The following ZNF385D variants were observed in gnomAD, a reference collection of about 807,000 sequenced individuals.
ZNF385D encodes zinc finger protein 385D.
Under a neutral mutation model 35.8 loss-of-function variants are expected in ZNF385D, and 15 were observed. The ratio of observed to expected loss-of-function variants is 0.42; its 90% CI spans 0.28 to 0.64. ZNF385D has a LOEUF of 0.64. Among genes scored for constraint, ZNF385D ranks in the 30% least tolerant of loss-of-function variants. The probability of loss-of-function intolerance (pLI) is 0.23; values close to 1 mark genes in which losing one functional copy is unlikely to be tolerated. For synonymous variants in ZNF385D, 212 were observed against 186.8 expected (o/e 1.13, Z -1.10); for missense variants, 474 against 494.6 (o/e 0.96, Z 0.39).
chr3:22,370,524 TATGGTATTACAATCA>T (rs1414975175), intron 2 of ZNF385D, among the ~76,000 whole-genome samples: 1 of 148,180 alleles, frequency 6.7e-6, no homozygotes, highest in African/African-American at 2.7e-5. Flanking sequence ...TGAATCAATC[TATGGTATTACAATCA>T]CTGTATGAAT....
intron 4 of ZNF385D, among the ~76,000 whole-genome samples, chr3:21,499,781 G>C (rs1021279475): frequency 6.6e-6 from 1 of 152,090 alleles, no homozygotes. Context: ...GTGGGTAATT[G>C]GTTTGAGCAA....
intron 2 of ZNF385D, among the ~76,000 whole-genome samples, chr3:22,202,174 G>A (rs563093509): frequency 3.9e-5 from 6 of 152,020 alleles, no homozygotes; most frequent in African/African-American, 7.2e-5. Context: ...CTATCTTACT[G>A]CAGTGATATA....
chr3:22,148,632 A>G (rs1488943090), intron 3 of ZNF385D, among the ~76,000 whole-genome samples: 1 of 152,206 alleles, frequency 6.6e-6, no homozygotes, highest in African/African-American at 2.4e-5. Context: ...TTTACTGAGC[A>G]AAGCAGGAAT....
At position 21,987,617 on chromosome 3, in the gene ZNF385D, C is replaced by G. The variant is rs1358800382; in HGVS notation, c.325+181200G>C. On this transcript the variant is annotated intron_variant, in intron 3 of 5. Transcript: ENST00000494108. ...GCCCTTAACATTTTTTCCTTCATTT[C>G]AACTTTGGTGAATCTGACAATTATG... is the stretch of plus-strand genomic sequence containing the variant. Among the ~76,000 whole-genome samples the G allele has an allele frequency of 7.1e-3, 965 of 136,518 alleles. 19 individuals carry two copies. The highest frequency in any genetic ancestry group is 7.0e-3 in the Non-Finnish European group (453 of 64,490). 89.6% of individuals were successfully genotyped at this position (136,518 alleles called of 152,430 possible). A position where few individuals can be genotyped will look rare whatever the true frequency, so the allele number is the denominator to read the frequency against.
intron 2 of ZNF385D, among the ~76,000 whole-genome samples, chr3:22,233,437 G>A (rs1216332979): frequency 6.6e-6 from 1 of 152,182 alleles, no homozygotes; most frequent in Non-Finnish European, 1.5e-5. Flanking sequence ...AGATTAAATT[G>A]AGAATGGTCA....
chr3:21,576,368 G>C (rs1027724373), intron 2 of ZNF385D, among the ~76,000 whole-genome samples: 2 of 152,130 alleles, frequency 1.3e-5, no homozygotes, highest in Admixed American at 6.5e-5. Flanking sequence ...TTCTGCTATG[G>C]CTGTTTCCCT....
At chr3:22,221,727 T>G (rs946745450) in intron 2 of ZNF385D, among the ~76,000 whole-genome samples, 1 of 152,194 alleles carries the variant, frequency 6.6e-6, no homozygotes, top group South Asian at 2.1e-4. Flanking sequence ...TGACAAAAAC[T>G]AAATTACAGA....
chr3:21,511,717 A>G (rs763590409), intron 3 of ZNF385D: 32 of 456,464 alleles, frequency 7.0e-5, no homozygotes, highest in South Asian at 4.2e-4. Context: ...GTGTGTTTGT[A>G]CTACCTAATG....
At chr3:22,265,184 C>T (rs1700835031) in intron 2 of ZNF385D, among the ~76,000 whole-genome samples, 1 of 151,866 alleles carries the variant, frequency 6.6e-6, no homozygotes, top group South Asian at 2.1e-4. Flanking sequence ...GTAAATGCAT[C>T]AGAAAGATAT....
chr3:21,509,741 G>C (rs1012180635), intron 4 of ZNF385D, among the ~76,000 whole-genome samples: 1 of 152,110 alleles, frequency 6.6e-6, no homozygotes, highest in Non-Finnish European at 1.5e-5. Context: ...CAGGCTGAGG[G>C]AAAACACAGG....
intron 3 of ZNF385D, among the ~76,000 whole-genome samples, chr3:21,558,390 T>G (rs1356454156): frequency 6.6e-6 from 1 of 152,150 alleles, no homozygotes; most frequent in Non-Finnish European, 1.5e-5. Flanking sequence ...ACTTATTTAT[T>G]TCTGCCTTCA....
Position 21,596,505 on chromosome 3 carries a change from G to T in ZNF385D, c.166-31821C>A, listed in dbSNP as rs114830150. 6.3e-3 allele frequency among the ~76,000 whole-genome samples: 958 copies of T among 152,034 alleles called. 12 individuals carry two copies. Among genetic ancestry groups the T allele is most frequent in the African/African-American group, 0.022 (907 of 41,474 alleles). ...GTTATGAGGAAATGAAAGCCAAGGG[G>T]TGCAAGTAGTTTTATTTATTTATTT... On this transcript the variant is annotated intron_variant, in intron 2 of 7. Coordinates refer to ENST00000281523, the MANE Select transcript of ZNF385D (RefSeq NM_024697.3).
At chr3:22,222,970 T>C (rs184119515) in intron 2 of ZNF385D, among the ~76,000 whole-genome samples, 24 of 152,268 alleles carry the variant, frequency 1.6e-4, no homozygotes, top group Admixed American at 1.1e-3. Context: ...TTGATAAGTA[T>C]CCCTGAAGTC....
intron 4 of ZNF385D, among the ~76,000 whole-genome samples, chr3:21,437,996 G>T (rs1242432933): frequency 1.3e-5 from 2 of 152,102 alleles, no homozygotes; most frequent in Admixed American, 6.6e-5. Flanking sequence ...AGAGTTAAAT[G>T]ATCATGAAAA....
intron 3 of ZNF385D, among the ~76,000 whole-genome samples, chr3:21,911,494 GT>G (rs982567768): frequency 6.6e-6 from 1 of 151,874 alleles, no homozygotes; most frequent in Non-Finnish European, 1.5e-5. Context: ...AATTCTAAAG[GT>G]TTTTTATTTG....
At chr3:22,258,784 A>C (rs1320768891) in intron 2 of ZNF385D, among the ~76,000 whole-genome samples, 1 of 151,820 alleles carries the variant, frequency 6.6e-6, no homozygotes, top group Non-Finnish European at 1.5e-5. Context: ...TTAAAATAAC[A>C]TGTTTTATAA....
intron 3 of ZNF385D, among the ~76,000 whole-genome samples, chr3:22,026,042 A>G (rs1697525659): frequency 6.6e-6 from 1 of 152,120 alleles, no homozygotes; most frequent in African/African-American, 2.4e-5. Flanking sequence ...GAATAGGCTG[A>G]CTCGAGTAGA....
chr3:21,867,463 CTG>C (rs1357648315), intron 3 of ZNF385D, among the ~76,000 whole-genome samples: 1 of 152,110 alleles, frequency 6.6e-6, no homozygotes, highest in Non-Finnish European at 1.5e-5. Flanking sequence ...CTTTAGGAGT[CTG>C]TATTTCAAAG....
chr3:21,959,133 C>A (rs1702446575), intron 3 of ZNF385D, among the ~76,000 whole-genome samples: 1 of 152,130 alleles, frequency 6.6e-6, no homozygotes, highest in South Asian at 2.1e-4. Flanking sequence ...TAAAGTATCA[C>A]AAATAACATA....
Sources: gnomAD v4.1 joint callset for allele counts (sites outside exome capture counted in the v4.1 genomes callset) on GRCh38, gnomAD v4.1.1 for gene constraint, MANE v1.5 for transcripts, NCBI Gene and HGNC (gene_info 2026-07-23, HGNC 2026-07-21) for gene names.